The following PRODH2 variants were observed in gnomAD, a reference collection of about 807,000 sequenced individuals.
PRODH2 encodes the protein hydroxyproline dehydrogenase.
In PRODH2, 49 loss-of-function variants were observed where a neutral mutation model predicts 51.9. The ratio of observed to expected loss-of-function variants is 0.94; its 90% confidence interval spans 0.75 to 1.20. The LOEUF is 1.20. PRODH2 is among the 50% of genes most tolerant of loss of function. The probability of loss-of-function intolerance (pLI) is 0.00; values close to 1 mark genes in which losing one functional copy is unlikely to be tolerated. For synonymous variants in PRODH2, 249 were observed against 260.7 expected (o/e 0.96, Z 0.43); for missense variants, 597 against 610.9 (o/e 0.98, Z 0.24).
At chr19:35,812,079 G>A (rs777180786) in intron 3 of PRODH2, 31 bp from the exon 4 acceptor site, 3 of 1,613,906 alleles carry the variant, frequency 1.9e-6, no homozygotes, top group South Asian at 2.2e-5. Context: ...GGGTGGTGAG[G>A]GGAGCCCGAT....
chr19:35,801,874 A>C, intron 9 of PRODH2: 1 of 305,174 alleles, frequency 3.3e-6, no homozygotes. Context: ...ACCTCAAGCT[A>C]TGAATTTAGG....
intron 4 of PRODH2, among the ~76,000 whole-genome samples, chr19:35,808,726 G>A: frequency 6.6e-6 from 1 of 151,894 alleles, no homozygotes; most frequent in Middle Eastern, 3.2e-3. Flanking sequence ...GGGCAGACCT[G>A]AGGTTTAAAC....
At chr19:35,810,260 AAATAATAATAATAATAAT>A (rs10676244) in intron 4 of PRODH2, among the ~76,000 whole-genome samples, 1 of 143,248 alleles carries the variant, frequency 7.0e-6, no homozygotes, top group Non-Finnish European at 1.5e-5. Context: ...CTCTGTCTTA[AAATAATAATAATAATAAT>A]AATAATAATA....
At chr19:35,812,311 C>G in intron 2 of PRODH2, 39 bp from the exon 3 acceptor site, 1 of 1,610,914 alleles carries the variant, frequency 6.2e-7, no homozygotes, top group South Asian at 1.1e-5. Flanking sequence ...AACAGCAAAG[C>G]CCCTTCCTGC....
Position 35,806,474 on chromosome 19 carries a change from C to T in PRODH2, c.957G>A (p.Gly319=), listed in dbSNP as rs749748749. The T allele has an allele frequency of 1.2e-5, 19 of 1,614,146 alleles. No individual in the cohort carries two copies. Among genetic ancestry groups the T allele is most frequent in the Non-Finnish European group, 1.6e-5 (19 of 1,180,028 alleles). The change falls in exon 7 of 10, where the codon GGG becomes GGA. Residue 319 remains glycine, a synonymous_variant. Transcript: ENST00000653904. ...DKERAVAQLH[G]MEDPTQPDYE... ...AGTCAGGCTGAGTGGGGTCTTCCAT[C>T]CCATGGAGCTGGGCCACCGCTCTCT... is the stretch of plus-strand genomic sequence containing the variant.
rs189110910 is a variant in PRODH2, at chr19:35,800,125, C to G, written c.1296G>C (p.Val432=). 1.3e-4 allele frequency: 217 copies of G among 1,609,310 alleles called. 1 individual carries two copies. In the East Asian group the frequency reaches 4.6e-3, roughly 34 times the overall value. The change falls in exon 10 of 10, where the codon GTG becomes GTC. Residue 432 remains valine (V), a synonymous_variant. Transcript: ENST00000653904. ...CCTGTTCCCTGCGGGCACCCTGAAG[C>G]ACGCTCCGGTTCTCCTGGGCCCTCC... ...LIRRAQENRS[V]LQGARREQEL...
chr19:35,804,929 C>T (rs960090943), intron 7 of PRODH2, among the ~76,000 whole-genome samples: 1 of 152,082 alleles, frequency 6.6e-6, no homozygotes, highest in Non-Finnish European at 1.5e-5. Context: ...GAGTGAGACC[C>T]TGTCTCAAAA....
Position 35,800,120 on chromosome 19 carries a change from T to G in PRODH2, c.1301A>C (p.Gln434Pro), listed in dbSNP as rs202086828. The stretch of plus-strand genomic sequence containing the variant: ...CAGCTCCTGTTCCCTGCGGGCACCC[T>G]GAAGCACGCTCCGGTTCTCCTGGGC... Reference protein sequence around the residue: ...RRAQENRSVLQGARREQELLS... With the variant: ...RRAQENRSVLPGARREQELLS... Residue 434 changes from glutamine (Q) to proline (P), a missense_variant, in exon 10 of 10, where the codon CAG (glutamine) becomes CCG (proline). By Grantham distance (76) the Gln-to-Pro change is moderately conservative (BLOSUM62 -1). Coordinates refer to ENST00000653904, the MANE Select transcript of PRODH2 (RefSeq NM_021232.2). The G allele has an allele frequency of 6.2e-7, 1 of 1,609,662 alleles. No homozygotes were observed. Among genetic ancestry groups the G allele is most frequent in the Non-Finnish European group, 8.5e-7 (1 of 1,177,916 alleles).
rs111564152 is a variant in PRODH2 at position 35,807,237 on chromosome 19, G to A, written c.598-116C>T. The stretch of plus-strand genomic sequence containing the variant: ...GGTTATGAGCCTAGAATCAGGGCTC[G>A]AATCCAGGCTTCACCACCTACTGTG... On this transcript the variant is annotated intron_variant, in intron 4 of 9. Transcript: ENST00000653904. 6.9e-3 allele frequency: 6,726 copies of A among 976,786 alleles called. 254 individuals are homozygous for A. The African/African-American group carries it at 0.09, about 13-fold the overall frequency. 60.5% of individuals were successfully genotyped at this position (976,786 alleles called of 1,614,324 possible).
chr19:35,806,642 C>A, intron 6 of PRODH2, 33 bp downstream of exon 6: 1 of 1,613,970 alleles, frequency 6.2e-7, no homozygotes, highest in Non-Finnish European at 8.5e-7. Context: ...GTGTGGGGAC[C>A]CCAGCCTGTA....
At chr19:35,811,466 A>AGGGAGGGG (rs1972609049) in intron 4 of PRODH2, among the ~76,000 whole-genome samples, 1 of 68,370 alleles carries the variant, frequency 1.5e-5, no homozygotes, top group Non-Finnish European at 2.7e-5. Flanking sequence ...GAAGGGAGGG[A>AGGGAGGGG]GGGAGGGAGG....
chr19:35,800,116 A>G lies in PRODH2; in HGVS notation c.1305T>C (p.Gly435=). The change falls in exon 10 of 10, where the codon GGT becomes GGC. Residue 435 remains glycine, a synonymous_variant. Transcript: ENST00000653904. ...RAQENRSVLQ[G]ARREQELLSQ... is the part of the protein sequence containing the mutation. ...TGAGCAGCTCCTGTTCCCTGCGGGC[A>G]CCCTGAAGCACGCTCCGGTTCTCCT... is the stretch of plus-strand genomic sequence containing the variant. 1 of 1,610,062 alleles carries G rather than the reference A, an allele frequency of 6.2e-7. No individual in the cohort carries two copies.
At position 35,806,487 on chromosome 19, in the gene PRODH2, G is replaced by A. The variant is rs758158463; in HGVS notation, c.944C>T (p.Ala315Val). 2 of 1,614,114 alleles carry A rather than the reference G, an allele frequency of 1.2e-6. No individual in the cohort carries two copies. Among genetic ancestry groups the A allele is most frequent in the Admixed American group, 1.7e-5 (1 of 60,014 alleles). ...GGGGTCTTCCATCCCATGGAGCTGG[G>A]CCACCGCTCTCTCCTTGTCCAGATA... ...GAYLDKERAVAQLHGMEDPTQ... is the reference protein window; with the variant it reads ...GAYLDKERAVVQLHGMEDPTQ... The change falls in exon 7 of 10, where the codon GCC (alanine) becomes GTC (valine). Residue 315 changes from alanine to valine, a missense_variant. By Grantham distance (64) the Ala-to-Val change is moderately conservative. Coordinates refer to ENST00000653904, the MANE Select transcript of PRODH2 (RefSeq NM_021232.2).
chr19:35,807,285 C>A (rs577292866), intron 4 of PRODH2, among the ~76,000 whole-genome samples, 164 bp from the exon 5 acceptor site: 3 of 152,112 alleles, frequency 2.0e-5, no homozygotes, highest in Non-Finnish European at 2.9e-5. Context: ...AGTTATGTAA[C>A]CTTTCTGGGC....
At chr19:35,800,849 C>T (rs554030251) in intron 9 of PRODH2, among the ~76,000 whole-genome samples, 4 of 152,196 alleles carry the variant, frequency 2.6e-5, no homozygotes, top group South Asian at 4.1e-4. Context: ...TGCACCTCCA[C>T]GCCCAGCTAA....
chr19:35,808,920 C>T (rs1269713479), intron 4 of PRODH2, among the ~76,000 whole-genome samples: 5 of 151,186 alleles, frequency 3.3e-5, no homozygotes, highest in Non-Finnish European at 2.9e-5. Flanking sequence ...ACTGGGGCTA[C>T]AGGCACGTGC....
intron 4 of PRODH2, among the ~76,000 whole-genome samples, chr19:35,809,949 ATGC>A (rs1972575728): frequency 2.5e-5 from 2 of 81,092 alleles, no homozygotes; most frequent in African/African-American, 5.0e-5. Flanking sequence ...ACAGAGCCAG[ATGC>A]CGCTTCAAAA....
In PRODH2 at chr19:35,802,959, A is replaced by C; in HGVS notation, c.1112+9T>G. 6.5e-7 allele frequency: 1 copy of C among 1,533,368 alleles called. No homozygotes were observed. Among genetic ancestry groups the C allele is most frequent in the Non-Finnish European group, 8.9e-7 (1 of 1,129,392 alleles). The allele number at this position is 1,533,368 out of a possible 1,614,324, so 95.0% of individuals were successfully genotyped here. A position where few individuals can be genotyped will look rare whatever the true frequency, so the allele number is the denominator to read the frequency against. Reference sequence around the variant, plus strand: ...GCACCTATTTCCCGCCCATCCCTCCACCTCATACCGCTTGGTTGCCTGGCG... The same window carrying C: ...GCACCTATTTCCCGCCCATCCCTCCCCCTCATACCGCTTGGTTGCCTGGCG... On this transcript the variant is annotated intron_variant, in intron 8 of 9. Transcript: ENST00000653904.
At chr19:35,804,670 C>T (rs1288601597) in intron 7 of PRODH2, among the ~76,000 whole-genome samples, 1 of 152,236 alleles carries the variant, frequency 6.6e-6, no homozygotes, top group Non-Finnish European at 1.5e-5. Flanking sequence ...GACATGCTGG[C>T]TTACGCCTAT....
Sources: gnomAD v4.1 joint callset for allele counts (sites outside exome capture counted in the v4.1 genomes callset) on GRCh38, gnomAD v4.1.1 for gene constraint, MANE v1.5 for transcripts, NCBI Gene and HGNC (gene_info 2026-07-23, HGNC 2026-07-21) for gene names.